The following PTN variants were observed in gnomAD, a reference collection of about 807,000 sequenced individuals.
PTN encodes heparin affin regulatory protein.
Under a neutral mutation model 24.1 loss-of-function variants are expected in PTN, and 18 were observed. That is an observed-to-expected ratio of 0.75 (90% CI 0.52 to 1.11). PTN has a LOEUF of 1.11. PTN is among the 50% of genes least tolerant of loss of function. The probability of loss-of-function intolerance (pLI) is 0.00; values close to 1 mark genes in which losing one functional copy is unlikely to be tolerated. For missense variants in PTN, 163 were observed against 198.8 expected (o/e 0.82, Z 1.08); for synonymous variants, 78 against 68.6 (o/e 1.14, Z -0.67).
At chr7:137,266,521 T>C (rs1245207102) in intron 1 of PTN, among the ~76,000 whole-genome samples, 1 of 152,114 alleles carries the variant, frequency 6.6e-6, no homozygotes, top group Non-Finnish European at 1.5e-5. Context: ...ATGCTCAACT[T>C]TCTGACTTAT....
chr7:137,274,874 G>GGTTTT (rs1489190328), intron 1 of PTN, among the ~76,000 whole-genome samples: 2 of 152,260 alleles, frequency 1.3e-5, no homozygotes, highest in African/African-American at 4.8e-5. Context: ...TTAATATGGT[G>GGTTTT]GAAAGAGAAA....
At chr7:137,273,403 A>G (rs760196892) in intron 1 of PTN, among the ~76,000 whole-genome samples, 3 of 152,196 alleles carry the variant, frequency 2.0e-5, no homozygotes, top group Non-Finnish European at 2.9e-5. Flanking sequence ...GGTAATTTAT[A>G]AAGGAAAAAG....
At chr7:137,268,369 C>T (rs939290904) in intron 1 of PTN, among the ~76,000 whole-genome samples, 1 of 151,998 alleles carries the variant, frequency 6.6e-6, no homozygotes, top group Non-Finnish European at 1.5e-5. Flanking sequence ...GGACGAGCCG[C>T]GGACAGGAGA....
At chr7:137,296,107 A>C (rs1015637077) in intron 1 of PTN, among the ~76,000 whole-genome samples, 5 of 152,050 alleles carry the variant, frequency 3.3e-5, no homozygotes, top group Admixed American at 2.0e-4. Context: ...TCCAAAGCAA[A>C]TCATCAGATC....
At chr7:137,318,967 G>A (rs1473071526) in intron 1 of PTN, 1 of 152,132 alleles carries the variant, frequency 6.6e-6, no homozygotes, top group Non-Finnish European at 1.5e-5. Context: ...TTTAGTGACT[G>A]CTGTCGTGTC....
At chr7:137,281,389 G>A (rs144430032) in intron 1 of PTN, among the ~76,000 whole-genome samples, 1 of 152,134 alleles carries the variant, frequency 6.6e-6, no homozygotes, top group Non-Finnish European at 1.5e-5. Flanking sequence ...AGGAGTTCAA[G>A]GAACAAAACC....
intron 1 of PTN, among the ~76,000 whole-genome samples, chr7:137,328,588 G>C (rs1170014629): frequency 6.6e-6 from 1 of 152,174 alleles, no homozygotes; most frequent in Non-Finnish European, 1.5e-5. Context: ...ACCCGGCACT[G>C]TGGCCTCCCC....
At chr7:137,256,730 G>T (rs761465107) in intron 1 of PTN, among the ~76,000 whole-genome samples, 1 of 151,992 alleles carries the variant, frequency 6.6e-6, no homozygotes, top group Non-Finnish European at 1.5e-5. Flanking sequence ...GATCCTCAAG[G>T]AATCACCACA....
At chr7:137,319,257 T>G (rs1347472977) in intron 1 of PTN, among the ~76,000 whole-genome samples, 3 of 152,238 alleles carry the variant, frequency 2.0e-5, no homozygotes, top group Non-Finnish European at 4.4e-5. Flanking sequence ...GTTTCCACAC[T>G]TAACAGAATT....
At chr7:137,236,810 A>C (rs1385456362) in intron 4 of PTN, among the ~76,000 whole-genome samples, 1 of 152,164 alleles carries the variant, frequency 6.6e-6, no homozygotes, top group Non-Finnish European at 1.5e-5. Flanking sequence ...TATTATAAAC[A>C]GTAATAAGTA....
intron 1 of PTN, among the ~76,000 whole-genome samples, chr7:137,313,419 G>C (rs1810016613): frequency 6.6e-6 from 1 of 152,140 alleles, no homozygotes; most frequent in East Asian, 1.9e-4. Context: ...GTGGCATCTG[G>C]CTTGCAAGTG....
rs960684631 is a variant in PTN at position 137,227,933 on chromosome 7, G to T, written c.*87C>A. ...GTGTACTTAGCTATAGATAATTTTT[G>T]AATACAAAGCCTACGGTACATATAA... On this transcript the variant is annotated 3_prime_UTR_variant, in exon 5 of 5. Coordinates refer to ENST00000348225, the MANE Select transcript of PTN (RefSeq NM_002825.7). The T allele has an allele frequency of 1.6e-5, 24 of 1,507,496 alleles. No individual in the cohort carries two copies. The highest frequency in any genetic ancestry group is 9.4e-5 in the Admixed American group (4 of 42,504). The allele number at this position is 1,507,496 out of a possible 1,614,324, so 93.4% of individuals were successfully genotyped here.
chr7:137,307,608 T>C (rs994040634), intron 1 of PTN, among the ~76,000 whole-genome samples: 3 of 152,128 alleles, frequency 2.0e-5, no homozygotes, highest in African/African-American at 7.2e-5. Flanking sequence ...ACTATATATA[T>C]ATATGTATTT....
chr7:137,320,903 C>T (rs769371109), intron 1 of PTN, among the ~76,000 whole-genome samples: 21 of 152,144 alleles, frequency 1.4e-4, no homozygotes, highest in Non-Finnish European at 4.4e-5. Flanking sequence ...ATTCATCTTG[C>T]CAAGCAAGCT....
intron 1 of PTN, among the ~76,000 whole-genome samples, chr7:137,281,695 T>C (rs1298913633): frequency 6.6e-6 from 1 of 152,212 alleles, no homozygotes; most frequent in Non-Finnish European, 1.5e-5. Flanking sequence ...TGCTAATGTA[T>C]TTATAGCCCA....
intron 1 of PTN, among the ~76,000 whole-genome samples, chr7:137,285,738 C>A (rs1809543645): frequency 1.3e-5 from 2 of 152,198 alleles, no homozygotes; most frequent in African/African-American, 4.8e-5. Context: ...ATAATAACAT[C>A]TTTGTTTAAT....
chr7:137,313,570 G>A (rs1361542584), intron 1 of PTN, among the ~76,000 whole-genome samples: 2 of 151,998 alleles, frequency 1.3e-5, no homozygotes, highest in Non-Finnish European at 2.9e-5. Flanking sequence ...ATAATAGCTG[G>A]AGGAAATGTT....
At chr7:137,231,771 TA>T (rs1170464445) in intron 4 of PTN, among the ~76,000 whole-genome samples, 1 of 151,998 alleles carries the variant, frequency 6.6e-6, no homozygotes, top group Non-Finnish European at 1.5e-5. Context: ...AGTCTATCTT[TA>T]AAGACAAATA....
rs143860343 is a variant in PTN, at chr7:137,337,843, C to T, written c.-2+5596G>A. On this transcript the variant is annotated intron_variant, in intron 1 of 4. Coordinates refer to ENST00000348225, the MANE Select transcript of PTN (RefSeq NM_002825.7). ...TAAGGCAAGGGGATTAGGCATAGAACACAGATGGTCAAGGTGGGTGGAACA... is the reference window on the plus strand; with the variant it reads ...TAAGGCAAGGGGATTAGGCATAGAATACAGATGGTCAAGGTGGGTGGAACA... Among the ~76,000 whole-genome samples the T allele has an allele frequency of 3.9e-3, 598 of 152,252 alleles. 6 individuals carry two copies. The highest frequency in any genetic ancestry group is 0.014 in the African/African-American group (581 of 41,556).
Sources: allele counts gnomAD v4.1 joint callset (sites outside exome capture counted in the v4.1 genomes callset), GRCh38; gene constraint gnomAD v4.1.1; transcripts MANE v1.5; gene names NCBI Gene and HGNC (gene_info 2026-07-23, HGNC 2026-07-21).